The following TTLL13 variants were observed in gnomAD, a reference collection of about 807,000 sequenced individuals.
The protein encoded by TTLL13 is tubulin tyrosine ligase like 13.
the TTLL13 span, among the ~76,000 whole-genome samples, chr15:90,254,759 T>A: frequency 6.6e-6 from 1 of 151,792 alleles, no homozygotes; most frequent in Non-Finnish European, 1.5e-5. Flanking sequence ...GGCAGGAGGA[T>A]CTCTTGAGCC....
At chr15:90,256,639 TTC>T in the TTLL13 span, among the ~76,000 whole-genome samples, 382 of 108,318 alleles carry the variant, frequency 3.5e-3, 6 homozygotes, top group Middle Eastern at 0.015. Flanking sequence ...CCTTCCTTCC[TTC>T]TTTCTTTCTC....
At chr15:90,256,581 CTT>C in the TTLL13 span, among the ~76,000 whole-genome samples, 6 of 35,660 alleles carry the variant, frequency 1.7e-4, no homozygotes, top group African/African-American at 4.6e-4. Flanking sequence ...TTCTTTCTTT[CTT>C]TCTTTCTTTC....
the TTLL13 span, chr15:90,265,067 T>A: frequency 7.1e-7 from 1 of 1,404,826 alleles, no homozygotes; most frequent in Non-Finnish European, 9.4e-7. Flanking sequence ...AAGTTCCACT[T>A]TGAAAAGCCC....
chr15:90,256,216 G>C, the TTLL13 span: 3 of 1,614,188 alleles, frequency 1.9e-6, no homozygotes, highest in Non-Finnish European at 2.5e-6. Flanking sequence ...GTGGCTGTCA[G>C]GGACGTGGCA....
the TTLL13 span, chr15:90,263,314 G>A: frequency 1.6e-6 from 1 of 607,886 alleles, no homozygotes; most frequent in African/African-American, 1.9e-5. Flanking sequence ...GATTCCTTTT[G>A]CGTCTGTTCC....
chr15:90,258,047 G>T, the TTLL13 span: 4 of 1,613,988 alleles, frequency 2.5e-6, no homozygotes, highest in Non-Finnish European at 3.4e-6. Context: ...GGAAGCTGTC[G>T]ACACTCAACA....
chr15:90,253,211 T>C, the TTLL13 span: 8 of 1,553,586 alleles, frequency 5.1e-6, no homozygotes, highest in Non-Finnish European at 6.2e-6. Flanking sequence ...TTGTTGCTGG[T>C]GTCCATGCTG....
At chr15:90,254,506 A>C in the TTLL13 span, among the ~76,000 whole-genome samples, 1 of 150,146 alleles carries the variant, frequency 6.7e-6, no homozygotes, top group African/African-American at 2.4e-5. Flanking sequence ...AAAAAAAAAA[A>C]AAAAGGACGC....
chr15:90,261,604 A>C, the TTLL13 span, among the ~76,000 whole-genome samples: 1 of 150,694 alleles, frequency 6.6e-6, no homozygotes, highest in Admixed American at 6.6e-5. Context: ...ACGTGGTGAA[A>C]CCCTGTCTCT....
the TTLL13 span, chr15:90,264,021 G>A: frequency 6.5e-7 from 1 of 1,535,996 alleles, no homozygotes; most frequent in South Asian, 1.2e-5. Flanking sequence ...AGGCTGGGAG[G>A]TGCTATTTTT....
the TTLL13 span, chr15:90,257,148 T>C: frequency 9.3e-6 from 15 of 1,613,320 alleles, no homozygotes; most frequent in East Asian, 6.7e-5. Context: ...CCCCTCCTCA[T>C]TGATGGCTTC....
chr15:90,262,389 G>T, the TTLL13 span: 1 of 1,299,448 alleles, frequency 7.7e-7, no homozygotes, highest in South Asian at 1.6e-5. Context: ...TCAGTCCTAA[G>T]AACAGATTGT....
chr15:90,260,915 A>T, the TTLL13 span, among the ~76,000 whole-genome samples: 8 of 151,580 alleles, frequency 5.3e-5, no homozygotes, highest in African/African-American at 1.7e-4. Context: ...GCATGCACGC[A>T]CAAGCTAGTG....
At chr15:90,258,074 C>T in the TTLL13 span, 1 of 1,614,102 alleles carries the variant, frequency 6.2e-7, no homozygotes, top group Non-Finnish European at 8.5e-7. Flanking sequence ...TGCAAGAGCA[C>T]AGCTACAACC....
the TTLL13 span, chr15:90,259,197 A>G: frequency 2.1e-6 from 1 of 468,128 alleles, no homozygotes; most frequent in African/African-American, 2.0e-5. Flanking sequence ...CTCTGTCCCT[A>G]AAACACAAAA....
At chr15:90,260,623 T>G in the TTLL13 span, among the ~76,000 whole-genome samples, 6 of 151,922 alleles carry the variant, frequency 3.9e-5, no homozygotes, top group African/African-American at 1.5e-4. Flanking sequence ...GAGGCTGAGG[T>G]GGGCGGATCA....
the TTLL13 span, among the ~76,000 whole-genome samples, chr15:90,255,385 T>G: frequency 6.6e-6 from 1 of 152,304 alleles, no homozygotes; most frequent in East Asian, 1.9e-4. Flanking sequence ...TTTTGGGGAA[T>G]GCTTTCGTCT....
the TTLL13 span, among the ~76,000 whole-genome samples, chr15:90,252,036 C>A: frequency 8.9e-6 from 1 of 112,252 alleles, no homozygotes; most frequent in Non-Finnish European, 1.9e-5. Context: ...ACTATGCTCA[C>A]CTAATTCTTT....
At chr15:90,265,426 G>C in the TTLL13 span, 18 of 1,291,508 alleles carry the variant, frequency 1.4e-5, no homozygotes, top group Non-Finnish European at 1.7e-5. Context: ...GGGGCGGAGG[G>C]ACGGCTCTTG....
Sources: gnomAD v4.1 joint callset for allele counts (sites outside exome capture counted in the v4.1 genomes callset) on GRCh38, gnomAD v4.1.1 for gene constraint, MANE v1.5 for transcripts, NCBI Gene and HGNC (gene_info 2026-07-23, HGNC 2026-07-21) for gene names.